FRAS1: variants seen among roughly 807,000 people sequenced by gnomAD.
FRAS1 encodes the protein Fraser extracellular matrix complex subunit 1.
FRAS1 carries 290 observed loss-of-function variants against 435.2 expected under a neutral mutation model. The ratio of observed to expected loss-of-function variants is 0.67; its 90% confidence interval spans 0.61 to 0.73. The LOEUF is 0.73. Ranked by LOEUF, FRAS1 falls within the 30% of genes least tolerant of loss-of-function variation. FRAS1 has a pLI of 0.00. For missense variants in FRAS1, 4,860 were observed against 5,001.5 expected (o/e 0.97, Z 0.85); for synonymous variants, 1,800 against 1,851.0 (o/e 0.97, Z 0.71).
intron 2 of FRAS1, among the ~76,000 whole-genome samples, chr4:78,097,035 CT>C (rs745503553): frequency 2.0e-5 from 3 of 152,202 alleles, no homozygotes; most frequent in Non-Finnish European, 2.9e-5. Context: ...CAACTCACAT[CT>C]TTAATGCTTT....
At chr4:78,260,180 A>G (rs1726013979) in intron 6 of FRAS1, among the ~76,000 whole-genome samples, 1 of 151,832 alleles carries the variant, frequency 6.6e-6, no homozygotes, top group African/African-American at 2.4e-5. Context: ...TGACTTGGCA[A>G]TGCGGGCTCT....
intron 14 of FRAS1, among the ~76,000 whole-genome samples, chr4:78,288,410 A>G (rs1727719486): frequency 6.6e-6 from 1 of 152,154 alleles, no homozygotes; most frequent in African/African-American, 2.4e-5. Flanking sequence ...CATACCACAT[A>G]CATATGACTT....
At chr4:78,422,214 G>A (rs578244016) in intron 34 of FRAS1, among the ~76,000 whole-genome samples, 2 of 151,520 alleles carry the variant, frequency 1.3e-5, no homozygotes, top group South Asian at 4.2e-4. Context: ...CATACTTTCA[G>A]TAAATCTTTA....
rs990334501 is a variant in FRAS1 at position 78,375,891 on chromosome 4, T to C, written c.3292+12T>C. ...TGAAACATGTTCTGGTAAGTGCTTC[T>C]CCTCAGATGGTCTGGTGAATTTACC... On this transcript the variant is annotated intron_variant, in intron 26 of 73. Coordinates refer to ENST00000512123, the MANE Select transcript of FRAS1 (RefSeq NM_025074.7). 85 of 1,613,502 alleles carry C rather than the reference T, an allele frequency of 5.3e-5. No individual in the cohort carries two copies. The highest frequency in any genetic ancestry group is 7.0e-5 in the Non-Finnish European group (83 of 1,179,654).
chr4:78,125,620 C>T (rs1578140792), intron 2 of FRAS1, among the ~76,000 whole-genome samples: 1 of 152,158 alleles, frequency 6.6e-6, no homozygotes, highest in East Asian at 1.9e-4. Flanking sequence ...AGTTTTCCTT[C>T]TGACAGACAG....
chr4:78,286,561 G>GT (rs1354824739), intron 14 of FRAS1, 22 bp downstream of exon 14: 3 of 1,607,886 alleles, frequency 1.9e-6, no homozygotes, highest in South Asian at 2.2e-5. Context: ...CTGGGCCACA[G>GT]TTGGGCCAGC....
chr4:78,397,685 C>T (rs990174816), intron 29 of FRAS1, among the ~76,000 whole-genome samples: 2 of 152,158 alleles, frequency 1.3e-5, no homozygotes, highest in African/African-American at 4.8e-5. Context: ...TTACTGTAAG[C>T]CTCTGCTTCT....
Position 78,522,700 on chromosome 4 carries a change from T to G in FRAS1, c.10700T>G (p.Leu3567Trp). ...CTCCCAGAAGTGAAATCTTTCGTAT[T>G]GACTCCAGACCACCTAGGAGGAATT... is the stretch of plus-strand genomic sequence containing the variant. ...HTLPEVKSFV[L>W]TPDHLGGIEF... The change falls in exon 69 of 74, where the codon TTG becomes TGG. Residue 3567 changes from leucine to tryptophan, a missense_variant. Transcript: ENST00000512123. The G allele has an allele frequency of 6.2e-7, 1 of 1,610,568 alleles. No individual in the cohort carries two copies. Among genetic ancestry groups the G allele is most frequent in the Non-Finnish European group, 8.5e-7 (1 of 1,178,222 alleles).
In FRAS1 at chr4:78,057,414, A is replaced by G. The variant is rs544577444; in HGVS notation, c.-596A>G. On this transcript the variant is annotated 5_prime_UTR_variant, in exon 1 of 74. Transcript: ENST00000512123. The surrounding 1 kb of genome is among the most constrained non-coding windows in gnomAD (Gnocchi z 4.2). Reference sequence around the variant, plus strand: ...GGCTGCAGGGCGGGCGAGTCCCCGGAGCTGCCCTCAGCGCTGCACAGTTTC... The same window carrying G: ...GGCTGCAGGGCGGGCGAGTCCCCGGGGCTGCCCTCAGCGCTGCACAGTTTC... 4.6e-5 allele frequency among the ~76,000 whole-genome samples: 7 copies of G among 152,236 alleles called. No individual in the cohort carries two copies. In the South Asian group the frequency reaches 1.5e-3, roughly 32 times the overall value.
At chr4:78,282,798 T>C (rs1338704979) in intron 11 of FRAS1, 22 bp from the exon 12 acceptor site, 6 of 1,612,472 alleles carry the variant, frequency 3.7e-6, no homozygotes, top group Admixed American at 1.7e-5. Flanking sequence ...ATGACAATGC[T>C]GTTCTTCACT....
intron 2 of FRAS1, among the ~76,000 whole-genome samples, chr4:78,155,254 A>C (rs557244297): frequency 6.6e-6 from 1 of 152,336 alleles, no homozygotes; most frequent in East Asian, 1.9e-4. Context: ...TTAAGAGCCT[A>C]CAAGTGGACT....
At chr4:78,498,119 A>G (rs554099110) in intron 60 of FRAS1, among the ~76,000 whole-genome samples, 3 of 152,308 alleles carry the variant, frequency 2.0e-5, no homozygotes, top group South Asian at 2.1e-4. Context: ...GAAGGATAAC[A>G]TTAGGAGACA....
intron 57 of FRAS1, 39 bp from the exon 58 acceptor site, chr4:78,482,335 ATGGGTGTTAGATGG>A (rs1260829839): frequency 6.2e-7 from 1 of 1,607,880 alleles, no homozygotes; most frequent in Admixed American, 1.7e-5. Context: ...GTCAAGGTAA[ATGGGTGTTAGATGG>A]TGGGTCCTCT....
intron 71 of FRAS1, among the ~76,000 whole-genome samples, chr4:78,535,388 A>G (rs940383963): frequency 2.0e-5 from 3 of 152,080 alleles, no homozygotes; most frequent in South Asian, 2.1e-4. Flanking sequence ...CCTCATTTCT[A>G]TGTTTCCACA....
intron 2 of FRAS1, among the ~76,000 whole-genome samples, chr4:78,087,599 A>G (rs1370403603): frequency 6.6e-6 from 1 of 152,180 alleles, no homozygotes; most frequent in Non-Finnish European, 1.5e-5. Flanking sequence ...AAACCAATGT[A>G]CAAAAATCAC....
chr4:78,327,044 C>T (rs946885370), intron 18 of FRAS1, among the ~76,000 whole-genome samples: 2 of 152,036 alleles, frequency 1.3e-5, no homozygotes, highest in African/African-American at 4.8e-5. Context: ...GATGTTGAAT[C>T]ATGTTCATTT....
intron 22 of FRAS1, 78 bp downstream of exon 22, chr4:78,364,132 C>G: frequency 6.9e-7 from 1 of 1,447,104 alleles, no homozygotes; most frequent in East Asian, 2.5e-5. Flanking sequence ...ATGCGAGGTT[C>G]TTACTTCCAT....
chr4:78,410,174 G>A (rs1733276911), intron 31 of FRAS1, among the ~76,000 whole-genome samples: 1 of 152,162 alleles, frequency 6.6e-6, no homozygotes, highest in Non-Finnish European at 1.5e-5. Flanking sequence ...GGGTGAGGAA[G>A]GAGAATGTTA....
In FRAS1 at chr4:78,419,048, C is replaced by T; in HGVS notation, c.4525C>T (p.Leu1509=). Residue 1509 remains leucine, a synonymous_variant, in exon 33 of 74, where the codon CTG becomes TTG. Transcript: ENST00000512123. ...GKIVYNITLP[L]HPNQGIIEHR... Reference sequence around the variant, plus strand: ...GATTGTCTACAACATCACTCTACCTCTGCATCCAAATCAAGGTAAGATGTG... The same window carrying T: ...GATTGTCTACAACATCACTCTACCTTTGCATCCAAATCAAGGTAAGATGTG... 2 of 1,564,118 alleles carry T rather than the reference C, an allele frequency of 1.3e-6. No individual in the cohort carries two copies. The highest frequency in any genetic ancestry group is 1.2e-5 in the South Asian group (1 of 82,250).
Sources: gnomAD v4.1 joint callset for allele counts (sites outside exome capture counted in the v4.1 genomes callset) on GRCh38, gnomAD v4.1.1 for gene constraint, Gnocchi (gnomAD v3.1) non-coding constraint, MANE v1.5 for transcripts, NCBI Gene and HGNC (gene_info 2026-07-23, HGNC 2026-07-21) for gene names.